The following GSE1 variants were observed in gnomAD, a reference collection of about 807,000 sequenced individuals.
GSE1 encodes the protein Gse1 coiled-coil protein, also known as genetic suppressor element 1.
GSE1 carries 32 observed loss-of-function variants against 112.6 expected under a neutral mutation model. The observed-to-expected ratio is 0.28, with a 90% CI of 0.21 to 0.38. The LOEUF (loss-of-function observed/expected upper bound fraction) is 0.38. Among genes scored for constraint, GSE1 ranks in the 10% least tolerant of loss-of-function variants. GSE1 has a pLI of 1.00. For missense variants in GSE1, 2,348 were observed against 1,699.2 expected (o/e 1.38, Z -6.71); for synonymous variants, 1,115 against 735.6 (o/e 1.52, Z -8.35).
chr16:85,214,439 C>T (rs971235672), intron 1 of GSE1, among the ~76,000 whole-genome samples: 1 of 152,114 alleles, frequency 6.6e-6, no homozygotes, highest in Non-Finnish European at 1.5e-5. Flanking sequence ...AGTGATGCAG[C>T]GACTGACCAA....
At chr16:85,313,249 G>A (rs370501113) in intron 1 of GSE1, among the ~76,000 whole-genome samples, 4 of 152,276 alleles carry the variant, frequency 2.6e-5, no homozygotes, top group East Asian at 1.9e-4. Context: ...GCTCCGAGAG[G>A]CTCCTGGTGA....
At chr16:85,514,171 C>T (rs988628225) in intron 2 of GSE1, among the ~76,000 whole-genome samples, 4 of 149,470 alleles carry the variant, frequency 2.7e-5, no homozygotes, top group African/African-American at 1.0e-4. Context: ...TCTCTTTCTC[C>T]TCTTATCTTC....
At chr16:85,375,493 C>CAG (rs1319419004) in intron 2 of GSE1, among the ~76,000 whole-genome samples, 1 of 152,242 alleles carries the variant, frequency 6.6e-6, no homozygotes, top group Non-Finnish European at 1.5e-5. Context: ...AGCTGGGCAG[C>CAG]ACCAGTGCTG....
chr16:85,255,535 C>G (rs527711240), intron 1 of GSE1, among the ~76,000 whole-genome samples: 1 of 152,032 alleles, frequency 6.6e-6, no homozygotes, highest in South Asian at 2.1e-4. Context: ...CCTCAGCCTC[C>G]CAAGTAGCTG....
chr16:85,317,878 C>T (rs933662501), intron 1 of GSE1, among the ~76,000 whole-genome samples: 1 of 152,236 alleles, frequency 6.6e-6, no homozygotes, highest in African/African-American at 2.4e-5. Context: ...TCGTGTGAAT[C>T]GTCAGGTGTT....
At chr16:85,594,177 G>A (rs943507047) in intron 1 of GSE1, 5 of 148,974 alleles carry the variant, frequency 3.4e-5, no homozygotes, top group South Asian at 2.1e-4. Flanking sequence ...CGGTGGCCCC[G>A]ATGGGCCAGG....
intron 1 of GSE1, among the ~76,000 whole-genome samples, chr16:85,287,538 G>C (rs1272587197): frequency 6.6e-6 from 1 of 152,110 alleles, no homozygotes; most frequent in Admixed American, 6.5e-5. Context: ...CCACGCCGCT[G>C]CCTCAGGGCC....
chr16:85,331,698 T>C, intron 1 of GSE1, among the ~76,000 whole-genome samples: 1 of 90,484 alleles, frequency 1.1e-5, no homozygotes, highest in Non-Finnish European at 2.2e-5. Flanking sequence ...TATATATATA[T>C]ATATATATAT....
chr16:85,634,098 G>T lies in GSE1; in HGVS notation c.192G>T (p.Leu64=). The change falls in exon 2 of 16, where the codon CTG becomes CTT. Residue 64 remains leucine (L), a synonymous_variant. Transcript: ENST00000253458. The stretch of plus-strand genomic sequence containing the variant: ...CATCCTCCAGCTTTGCCGCCGCGCT[G>T]CGCAAGCTCGCCAAACAGGCGGAGG... The part of the protein sequence containing the change: ...AAPSSSFAAA[L]RKLAKQAEEP... 1 of 1,576,552 alleles carries T rather than the reference G, an allele frequency of 6.3e-7. No individual in the cohort carries two copies. Among genetic ancestry groups the T allele is most frequent in the Middle Eastern group, 1.7e-4 (1 of 5,934 alleles).
chr16:85,378,700 C>T (rs9319465), intron 2 of GSE1, among the ~76,000 whole-genome samples: 107,852 of 152,050 alleles, frequency 0.71, 41,366 homozygotes, highest in East Asian at 0.87. Context: ...GAACCTTTGC[C>T]CCCTGCAGCC....
intron 1 of GSE1, among the ~76,000 whole-genome samples, chr16:85,267,849 G>A (rs890862356): frequency 2.6e-5 from 4 of 152,188 alleles, no homozygotes; most frequent in Admixed American, 2.0e-4. Context: ...ATGAGCCATG[G>A]AACCAGATGC....
At chr16:85,541,202 C>T (rs1369847906) in intron 2 of GSE1, among the ~76,000 whole-genome samples, 1 of 152,156 alleles carries the variant, frequency 6.6e-6, no homozygotes, top group Non-Finnish European at 1.5e-5. Context: ...GCTGATAGGC[C>T]AAGGCTGGGA....
At chr16:85,457,798 A>G (rs565686589) in intron 2 of GSE1, among the ~76,000 whole-genome samples, 23 of 152,336 alleles carry the variant, frequency 1.5e-4, no homozygotes, top group African/African-American at 5.5e-4. Flanking sequence ...GAATATAACC[A>G]AGGCTTGGTG....
intron 2 of GSE1, among the ~76,000 whole-genome samples, chr16:85,392,152 G>C (rs1339680712): frequency 6.6e-6 from 1 of 152,030 alleles, no homozygotes; most frequent in South Asian, 2.1e-4. Context: ...CCTGGGATCC[G>C]CCTCTTGAGG....
At chr16:85,327,581 C>T (rs151338996) in intron 1 of GSE1, among the ~76,000 whole-genome samples, 75 of 151,374 alleles carry the variant, frequency 5.0e-4, no homozygotes, top group African/African-American at 1.8e-3. Context: ...CCAGCCTGGG[C>T]AACAGAGCGA....
intron 1 of GSE1, among the ~76,000 whole-genome samples, chr16:85,579,613 C>T (rs1054547913): frequency 2.0e-5 from 3 of 152,152 alleles, no homozygotes; most frequent in Non-Finnish European, 2.9e-5. Flanking sequence ...CCCAGACCTA[C>T]GCCTGGGAGA....
At chr16:85,613,855 G>C (rs2048172245) in intron 1 of GSE1, among the ~76,000 whole-genome samples, 1 of 137,950 alleles carries the variant, frequency 7.2e-6, no homozygotes, top group Admixed American at 6.9e-5. Flanking sequence ...AGGAAGCGGG[G>C]GTGTGGGGGG....
At chr16:85,630,234 C>T (rs1030620438) in intron 1 of GSE1, among the ~76,000 whole-genome samples, 3 of 152,246 alleles carry the variant, frequency 2.0e-5, no homozygotes, top group Admixed American at 6.5e-5. Flanking sequence ...CAGCTGCAGA[C>T]TGCTGCTTCC....
chr16:85,651,026 G>GCTCCTCCCCCCTCCCCCTCCGCCC (rs1555562283), intron 3 of GSE1, among the ~76,000 whole-genome samples: 1 of 109,302 alleles, frequency 9.1e-6, no homozygotes, highest in Non-Finnish European at 2.0e-5. Flanking sequence ...TGACGGATTT[G>GCTCCTCCCCCCTCCCCCTCCGCCC]CTCCTCCCCC....
Sources: allele counts gnomAD v4.1 joint callset (sites outside exome capture counted in the v4.1 genomes callset), GRCh38; gene constraint gnomAD v4.1.1; transcripts MANE v1.5; gene names NCBI Gene and HGNC (gene_info 2026-07-23, HGNC 2026-07-21).